The following EXTL3 variants were observed in gnomAD, a reference collection of about 807,000 sequenced individuals.
EXTL3 encodes exostosin-like 3.
EXTL3 carries 27 observed loss-of-function variants against 69.3 expected under a neutral mutation model. That is an observed-to-expected ratio of 0.39 (90% CI 0.29 to 0.54). The LOEUF (loss-of-function observed/expected upper bound fraction) is 0.54. Ranked by LOEUF, EXTL3 falls within the 20% of genes least tolerant of loss-of-function variation. The pLI is 0.69. For synonymous variants in EXTL3, 511 were observed against 499.4 expected, an observed-to-expected ratio of 1.02 and a Z score of -0.31; for missense variants, 1,003 against 1,231.8, an observed-to-expected ratio of 0.81 and a Z score of 2.78.
At chr8:28,646,497 T>C (rs1010572457) in intron 1 of EXTL3, among the ~76,000 whole-genome samples, 2 of 152,222 alleles carry the variant, frequency 1.3e-5, no homozygotes, top group African/African-American at 4.8e-5. Flanking sequence ...ATGTGGAGAA[T>C]GCCTTTCTCA....
rs558655313 is a variant in EXTL3 at position 28,706,828 on chromosome 8, C to T, written c.-570+5169C>T. ...TTGAGCAGGCTTCCCCATTTTTAAT[C>T]AAATTTAAGCTTTTTTTTTTTCCTT... is the stretch of plus-strand genomic sequence containing the variant. On this transcript the variant is annotated intron_variant, in intron 1 of 6. Coordinates refer to ENST00000220562, the MANE Select transcript of EXTL3 (RefSeq NM_001440.4). 3.4e-5 allele frequency among the ~76,000 whole-genome samples: 5 copies of T among 148,664 alleles called. No homozygotes were observed. In the South Asian group the frequency reaches 1.1e-3, roughly 31 times the overall value.
chr8:28,744,281 C>T (rs1801838763), intron 6 of EXTL3, among the ~76,000 whole-genome samples: 1 of 152,144 alleles, frequency 6.6e-6, no homozygotes, highest in African/African-American at 2.4e-5. Context: ...CTAATGAGGT[C>T]TTATTTTCAT....
At chr8:28,629,122 A>T (rs1247049778) in intron 1 of EXTL3, among the ~76,000 whole-genome samples, 2 of 152,042 alleles carry the variant, frequency 1.3e-5, no homozygotes, top group Non-Finnish European at 2.9e-5. Context: ...AAGCAAAGGG[A>T]GGATGTGAAG....
intron 1 of EXTL3, among the ~76,000 whole-genome samples, chr8:28,658,063 C>T (rs1235161339): frequency 3.3e-5 from 5 of 152,290 alleles, no homozygotes; most frequent in South Asian, 4.2e-4. Context: ...GCAGGGGCAC[C>T]GGGCAGGAAG....
At chr8:28,700,502 G>T (rs1481727550), upstream of EXTL3, 5 of 152,086 alleles carry the variant, frequency 3.3e-5, no homozygotes, top group Non-Finnish European at 7.4e-5. Flanking sequence ...GGATAAGGTC[G>T]GCAGCTGCGA....
At chr8:28,697,849 A>C (rs962104118), upstream of EXTL3, 3 of 152,100 alleles carry the variant, frequency 2.0e-5, no homozygotes, top group South Asian at 2.1e-4. Flanking sequence ...AAAAAAAAAA[A>C]AACTACATAC....
At chr8:28,719,376 G>A (rs1193373508) in intron 3 of EXTL3, among the ~76,000 whole-genome samples, 2 of 152,214 alleles carry the variant, frequency 1.3e-5, no homozygotes, top group Non-Finnish European at 2.9e-5. Flanking sequence ...AAAGGAGATG[G>A]AAGCCAGTAT....
At chr8:28,699,945 C>G (rs1006211153), upstream of EXTL3, 1 of 152,172 alleles carries the variant, frequency 6.6e-6, no homozygotes, top group Non-Finnish European at 1.5e-5. Context: ...GAACCAAGGC[C>G]TGGTAGTTCT....
chr8:28,609,035 G>C (rs1806239163), intron 2 of EXTL3, among the ~76,000 whole-genome samples: 1 of 152,106 alleles, frequency 6.6e-6, no homozygotes, highest in African/African-American at 2.4e-5. Flanking sequence ...GCTGAGTTCT[G>C]AAGGAGCCTA....
intron 4 of EXTL3, among the ~76,000 whole-genome samples, chr8:28,736,868 T>C (rs1174095515): frequency 3.3e-5 from 5 of 152,228 alleles, no homozygotes; most frequent in Non-Finnish European, 2.9e-5. Context: ...GGTGGTGCAA[T>C]CATAGCTAAC....
At chr8:28,706,845 T>C (rs955424890) in intron 1 of EXTL3, among the ~76,000 whole-genome samples, 1 of 152,206 alleles carries the variant, frequency 6.6e-6, no homozygotes, top group Non-Finnish European at 1.5e-5. Context: ...AAGCTTTTTT[T>C]TTTTCCTTCT....
chr8:28,622,411 G>A (rs1292709418), upstream of EXTL3, among the ~76,000 whole-genome samples: 1 of 152,222 alleles, frequency 6.6e-6, no homozygotes, highest in African/African-American at 2.4e-5. Flanking sequence ...CGCAGGCTCG[G>A]CATTGGCTGC....
At position 28,715,950 on chromosome 8, in the gene EXTL3, C is replaced by CT; in HGVS notation, c.-109dup. 2.3e-6 allele frequency: 2 copies of CT among 884,560 alleles called. No individual in the cohort carries two copies. The highest frequency in any genetic ancestry group is 3.5e-6 in the Non-Finnish European group (2 of 567,868). 54.8% of individuals were successfully genotyped at this position (884,560 alleles called of 1,614,324 possible). A position where few individuals can be genotyped will look rare whatever the true frequency, so the allele number is the denominator to read the frequency against. On this transcript the variant is annotated 5_prime_UTR_variant, in exon 3 of 7. The change abolishes the stop of an existing upstream ORF in the 5' untranslated region. Coordinates refer to ENST00000220562, the MANE Select transcript of EXTL3 (RefSeq NM_001440.4). Reference sequence around the variant, plus strand: ...TTTGGTGCCTTGTCTGGGGAGCACACTAACTCTTCTGGAAACGTGTCAGTG... The same window carrying CT: ...TTTGGTGCCTTGTCTGGGGAGCACACTTAACTCTTCTGGAAACGTGTCAGTG...
intron 1 of EXTL3, among the ~76,000 whole-genome samples, chr8:28,706,067 C>T (rs1800916640): frequency 6.6e-6 from 1 of 152,128 alleles, no homozygotes; most frequent in South Asian, 2.1e-4. Flanking sequence ...TTATTTAAAA[C>T]CATTGAAAAG....
In EXTL3 at chr8:28,754,033, CGT is replaced by C. The variant is rs71549699; in HGVS notation, c.*3194_*3195del. ...AATTTTTTCATGGGAATTTAAAATG[CGT>C]GTGTGTGTGTGTGTGTGTGTGTGTG... On this transcript the variant is annotated 3_prime_UTR_variant, in exon 7 of 7. Coordinates refer to ENST00000220562, the MANE Select transcript of EXTL3 (RefSeq NM_001440.4). 574 of 141,968 alleles carry C rather than the reference CGT, an allele frequency of 4.0e-3. 1 individual carries two copies. The highest frequency in any genetic ancestry group is 7.6e-3 in the Middle Eastern group (2 of 262). The allele number at this position is 141,968 out of a possible 1,614,324, so 8.8% of individuals were successfully genotyped here.
chr8:28,722,952 G>A (rs1178392633), intron 3 of EXTL3, among the ~76,000 whole-genome samples: 1 of 151,994 alleles, frequency 6.6e-6, no homozygotes, highest in African/African-American at 2.4e-5. Context: ...TAGGGAAAAG[G>A]GAAGACTGGA....
intron 1 of EXTL3, among the ~76,000 whole-genome samples, chr8:28,665,952 A>G (rs761902379): frequency 1.3e-5 from 2 of 152,198 alleles, no homozygotes; most frequent in Non-Finnish European, 2.9e-5. Context: ...TCATCCAGTT[A>G]GAAGCTTCCA....
Position 28,722,203 on chromosome 8 carries a change from C to T in EXTL3, c.2148+3996C>T, listed in dbSNP as rs145207620. 2.7e-3 allele frequency among the ~76,000 whole-genome samples: 414 copies of T among 152,268 alleles called. 2 individuals are homozygous for T. The highest frequency in any genetic ancestry group is 9.6e-3 in the African/African-American group (398 of 41,556). On this transcript the variant is annotated intron_variant, in intron 3 of 6. Transcript: ENST00000220562. ...CGCGTTTGAAGGAGGTTGGAGAAGG[C>T]AGTGGGACCAGCAGGTGCAGGACAG... is the stretch of plus-strand genomic sequence containing the variant.
At chr8:28,619,848 T>C (rs1217938062), upstream of EXTL3, among the ~76,000 whole-genome samples, 1 of 12,628 alleles carries the variant, frequency 7.9e-5, no homozygotes. Flanking sequence ...TCTGGTTCTT[T>C]TTTTTTTTTT....
Sources: allele counts gnomAD v4.1 joint callset (sites outside exome capture counted in the v4.1 genomes callset), GRCh38; gene constraint gnomAD v4.1.1; transcripts MANE v1.5; gene names NCBI Gene and HGNC (gene_info 2026-07-23, HGNC 2026-07-21).